DGKB: variants seen among roughly 807,000 people sequenced by gnomAD.
The protein encoded by DGKB is diacylglycerol kinase beta.
In DGKB, 67 loss-of-function variants were observed where a neutral mutation model predicts 114.3. The observed-to-expected ratio is 0.59, with a 90% confidence interval of 0.48 to 0.72. DGKB has a LOEUF of 0.72. Among genes scored for constraint, DGKB ranks in the 30% least tolerant of loss-of-function variants. The pLI is 0.00. For missense variants in DGKB, 907 were observed against 975.2 expected (o/e 0.93, Z 0.93); for synonymous variants, 398 against 323.1 (o/e 1.23, Z -2.49).
chr7:14,799,892 A>T (rs1841918063), intron 2 of DGKB, among the ~76,000 whole-genome samples: 1 of 151,682 alleles, frequency 6.6e-6, no homozygotes, highest in Non-Finnish European at 1.5e-5. Context: ...TTTTGATGCA[A>T]GGGCCTGCAT....
intron 6 of DGKB, among the ~76,000 whole-genome samples, chr7:14,702,677 A>T (rs563409887): frequency 8.5e-5 from 13 of 152,286 alleles, no homozygotes; most frequent in African/African-American, 3.1e-4. Flanking sequence ...GGGTTTGTAT[A>T]ATTTCCTGAA....
chr7:14,720,313 A>AT (rs1165041096), intron 5 of DGKB, among the ~76,000 whole-genome samples: 1 of 151,236 alleles, frequency 6.6e-6, no homozygotes, highest in African/African-American at 2.4e-5. Flanking sequence ...AATTTTTTTT[A>AT]TTTTTTTGAG....
At chr7:14,911,345 G>T (rs1056598662) in intron 1 of DGKB, among the ~76,000 whole-genome samples, 2 of 151,932 alleles carry the variant, frequency 1.3e-5, no homozygotes, top group African/African-American at 2.4e-5. Context: ...TTCATATTCT[G>T]GTGTTGGAGT....
chr7:14,887,234 A>G (rs985731627), intron 1 of DGKB, among the ~76,000 whole-genome samples: 1 of 151,808 alleles, frequency 6.6e-6, no homozygotes, highest in Non-Finnish European at 1.5e-5. Flanking sequence ...GCCAGCAAAG[A>G]TCCATCTTTC....
chr7:14,534,888 A>G (rs956522538), intron 20 of DGKB, among the ~76,000 whole-genome samples: 3 of 152,202 alleles, frequency 2.0e-5, no homozygotes, highest in Non-Finnish European at 4.4e-5. Flanking sequence ...AATTGCAGAA[A>G]GAAAACTGAA....
chr7:14,236,314 A>G (rs1792765079), intron 23 of DGKB, among the ~76,000 whole-genome samples: 2 of 151,450 alleles, frequency 1.3e-5, no homozygotes, highest in Non-Finnish European at 2.9e-5. Flanking sequence ...CAATTTTCAT[A>G]GAAAAATGGA....
intron 1 of DGKB, among the ~76,000 whole-genome samples, chr7:14,860,701 C>T (rs775873872): frequency 5.9e-5 from 9 of 151,796 alleles, no homozygotes; most frequent in Non-Finnish European, 1.2e-4. Context: ...TTTCAAAGCA[C>T]ACAGTTATAC....
At chr7:14,844,241 C>T (rs1848333677) in intron 1 of DGKB, among the ~76,000 whole-genome samples, 2 of 152,178 alleles carry the variant, frequency 1.3e-5, no homozygotes, top group Non-Finnish European at 2.9e-5. Context: ...TCCACCTTAC[C>T]ACCTGAAATG....
chr7:14,209,207 A>C, intron 23 of DGKB: 1 of 284,274 alleles, frequency 3.5e-6, no homozygotes, highest in South Asian at 3.1e-5. Flanking sequence ...AAAAACCATC[A>C]CCATTCATCA....
chr7:14,628,579 T>C (rs934993881), intron 14 of DGKB, among the ~76,000 whole-genome samples: 10 of 152,182 alleles, frequency 6.6e-5, no homozygotes, highest in African/African-American at 1.9e-4. Flanking sequence ...AGCCAATGAA[T>C]ATAAATGTAC....
At chr7:14,954,931 G>C (rs750590586) in intron 1 of DGKB, among the ~76,000 whole-genome samples, 37 of 151,800 alleles carry the variant, frequency 2.4e-4, no homozygotes, top group Non-Finnish European at 3.8e-4. Flanking sequence ...ACTATAGATA[G>C]AGCATACAAA....
chr7:14,970,957 C>T (rs967400731), intron 1 of DGKB, among the ~76,000 whole-genome samples: 1 of 152,076 alleles, frequency 6.6e-6, no homozygotes, highest in Non-Finnish European at 1.5e-5. Flanking sequence ...AATTCTTGAA[C>T]CATTTTTTTG....
chr7:14,229,695 C>G (rs1791409608), intron 23 of DGKB, among the ~76,000 whole-genome samples: 1 of 151,796 alleles, frequency 6.6e-6, no homozygotes, highest in South Asian at 2.1e-4. Context: ...ATTGTTTTTT[C>G]AACAATTACA....
chr7:14,603,925 A>G lies in DGKB; in HGVS notation c.1433+3509T>C, dbSNP rs578028456. ...GGGAAAAGTAATGTCACAAGTATAC[A>G]AAAAACTTGATATGAACTTTTCATA... On this transcript the variant is annotated intron_variant, in intron 17 of 25. Coordinates refer to ENST00000402815, the MANE Select transcript of DGKB (RefSeq NM_001350709.2). Among the ~76,000 whole-genome samples, 32 of 152,280 alleles carry G rather than the reference A, an allele frequency of 2.1e-4. No individual in the cohort carries two copies. In the South Asian group the frequency reaches 6.4e-3, roughly 31 times the overall value.
intron 2 of DGKB, among the ~76,000 whole-genome samples, chr7:14,776,088 A>G (rs1192142991): frequency 2.0e-5 from 3 of 152,126 alleles, no homozygotes; most frequent in African/African-American, 7.2e-5. Flanking sequence ...ACTGGAGCAA[A>G]GATTACTCTT....
intron 23 of DGKB, among the ~76,000 whole-genome samples, chr7:14,322,123 G>T (rs1475413750): frequency 6.6e-6 from 1 of 152,162 alleles, no homozygotes; most frequent in African/African-American, 2.4e-5. Context: ...GCAAACTGTG[G>T]CTTTGTGCCA....
intron 20 of DGKB, among the ~76,000 whole-genome samples, chr7:14,567,957 A>C (rs1294610148): frequency 1.3e-5 from 2 of 151,922 alleles, no homozygotes; most frequent in Non-Finnish European, 1.5e-5. Flanking sequence ...CCTGAAAAAA[A>C]TAAGTGCTTA....
chr7:14,526,998 A>G (rs934853809), intron 20 of DGKB, among the ~76,000 whole-genome samples: 1 of 152,094 alleles, frequency 6.6e-6, no homozygotes, highest in African/African-American at 2.4e-5. Context: ...GCTTTCAGGA[A>G]CCTCTATTTT....
At chr7:14,675,907 T>C (rs1366192961) in intron 12 of DGKB, among the ~76,000 whole-genome samples, 1 of 152,222 alleles carries the variant, frequency 6.6e-6, no homozygotes, top group East Asian at 1.9e-4. Context: ...ACTGAGGGCA[T>C]CATGTTAGGA....
Sources: gnomAD v4.1 joint callset for allele counts (sites outside exome capture counted in the v4.1 genomes callset) on GRCh38, gnomAD v4.1.1 for gene constraint, MANE v1.5 for transcripts, NCBI Gene and HGNC (gene_info 2026-07-23, HGNC 2026-07-21) for gene names.